Variants in ARSG observed in about 807,000 individuals in gnomAD.
ARSG encodes arylsulfatase G.
A neutral mutation model predicts 50.5 loss-of-function variants in ARSG; 37 were observed. That is an observed-to-expected ratio of 0.73 (90% CI 0.56 to 0.96). The LOEUF (loss-of-function observed/expected upper bound fraction) is 0.96, where lower values mean the gene tolerates loss of function less well. Among genes scored for constraint, ARSG ranks in the 50% least tolerant of loss-of-function variants. The pLI is 0.00. For synonymous variants in ARSG, 225 were observed against 254.6 expected, an observed-to-expected ratio of 0.88 and a Z score of 1.11; for missense variants, 629 against 675.3, an observed-to-expected ratio of 0.93 and a Z score of 0.76.
chr17:68,281,735 G>T (rs1210158945), intron 1 of ARSG, among the ~76,000 whole-genome samples: 2 of 152,138 alleles, frequency 1.3e-5, no homozygotes, highest in Non-Finnish European at 2.9e-5. Flanking sequence ...CCTCATTTGG[G>T]ATGGCTATGA....
chr17:68,386,759 C>G (rs1412586563), intron 9 of ARSG, among the ~76,000 whole-genome samples: 1 of 152,170 alleles, frequency 6.6e-6, no homozygotes, highest in East Asian at 1.9e-4. Flanking sequence ...TCAGCCGTCT[C>G]TCAAGTTGCT....
the ARSG span, chr17:68,441,209 CCT>C: frequency 2.0e-5 from 3 of 152,324 alleles, no homozygotes; most frequent in African/African-American, 4.8e-5. Context: ...ACTTCGAGCC[CCT>C]GTCTGGCCAA....
chr17:68,448,282 CA>C, the ARSG span: 1 of 152,206 alleles, frequency 6.6e-6, no homozygotes, highest in Non-Finnish European at 1.5e-5. Context: ...TTAAGAAAAG[CA>C]AACCCCCAAT....
In ARSG at chr17:68,388,941, A is replaced by AG. The variant is rs1568562275; in HGVS notation, c.1091+3769_1091+3770insG. ...CTGTCTCAAAAAAAAAAAAAAAAAA[A>AG]AAAAGAAAAACAGCTAAAGCTGCTG... is the stretch of plus-strand genomic sequence containing the variant. On this transcript the variant is annotated intron_variant, in intron 9 of 11. Coordinates refer to ENST00000621439, the MANE Select transcript of ARSG (RefSeq NM_001267727.2). Among the ~76,000 whole-genome samples, 12 of 144,420 alleles carry AG rather than the reference A, an allele frequency of 8.3e-5. 1 individual carries two copies. The highest frequency in any genetic ancestry group is 1.4e-4 in the Admixed American group (2 of 14,512). The allele number at this position is 144,420 out of a possible 152,430, so 94.7% of individuals were successfully genotyped here. A position where few individuals can be genotyped will look rare whatever the true frequency, so the allele number is the denominator to read the frequency against.
chr17:68,289,830 G>A (rs1173060569), upstream of ARSG, among the ~76,000 whole-genome samples: 2 of 152,118 alleles, frequency 1.3e-5, no homozygotes, highest in Non-Finnish European at 2.9e-5. Flanking sequence ...CAGGGTTAGT[G>A]GTACTCATTA....
At chr17:68,385,223 C>G in intron 9 of ARSG, 51 bp downstream of exon 9, 1 of 1,529,746 alleles carries the variant, frequency 6.5e-7, no homozygotes, top group Non-Finnish European at 9.0e-7. Flanking sequence ...CAAGAAAAGT[C>G]ATGGAGGCAT....
Position 68,356,707 on chromosome 17 carries a change from C to G in ARSG, c.607C>G (p.Leu203Val). 6.2e-7 allele frequency: 1 copy of G among 1,614,228 alleles called. No individual in the cohort carries two copies. The highest frequency in any genetic ancestry group is 8.5e-7 in the Non-Finnish European group (1 of 1,180,030). The part of the protein sequence containing the change: ...RDCYTDVALP[L>V]YENLNIVEQP... ...CTGTTACACTGACGTGGCCCTCCCT[C>G]TTTATGAAAACCTCAACATTGTGGA... Residue 203 changes from leucine (L) to valine (V), a missense_variant, in exon 6 of 12, where the codon CTT becomes GTT. Transcript: ENST00000621439.
chr17:68,436,500 C>A, the ARSG span: 3 of 1,609,288 alleles, frequency 1.9e-6, no homozygotes, highest in Non-Finnish European at 2.6e-6. Context: ...AGAAACAGAA[C>A]ATGAGAAGCC....
chr17:68,371,196 T>C (rs1187488715), intron 8 of ARSG, among the ~76,000 whole-genome samples: 2 of 151,640 alleles, frequency 1.3e-5, no homozygotes, highest in Non-Finnish European at 2.9e-5. Context: ...GGCGGGCGCC[T>C]GTAGTCCCAG....
At chr17:68,445,534 C>T in the ARSG span, among the ~76,000 whole-genome samples, 238 of 152,276 alleles carry the variant, frequency 1.6e-3, no homozygotes, top group African/African-American at 5.5e-3. Flanking sequence ...CAGTGCCCCA[C>T]GTCCCCACTG....
chr17:68,358,336 C>A (rs547146404), intron 6 of ARSG, among the ~76,000 whole-genome samples: 18 of 152,002 alleles, frequency 1.2e-4, no homozygotes, highest in Non-Finnish European at 2.6e-4. Context: ...CAGGATCGCT[C>A]GAGGCCAGGA....
chr17:68,306,476 G>A (rs1255542257), intron 1 of ARSG, among the ~76,000 whole-genome samples: 2 of 152,192 alleles, frequency 1.3e-5, no homozygotes, highest in African/African-American at 2.4e-5. Flanking sequence ...AGGATGACTT[G>A]AGCCAGGAGT....
chr17:68,320,911 T>G (rs551834473), intron 2 of ARSG, among the ~76,000 whole-genome samples: 1 of 152,190 alleles, frequency 6.6e-6, no homozygotes, highest in Admixed American at 6.5e-5. Flanking sequence ...TGTGCTTCCT[T>G]GAATGTGAAT....
chr17:68,450,771 T>C, the ARSG span: 1 of 1,613,520 alleles, frequency 6.2e-7, no homozygotes, highest in Non-Finnish European at 8.5e-7. Context: ...GGAGTAGCTG[T>C]AATTACAGAT....
At chr17:68,278,878 C>T (rs2075609550) in intron 1 of ARSG, among the ~76,000 whole-genome samples, 1 of 152,108 alleles carries the variant, frequency 6.6e-6, no homozygotes, top group African/African-American at 2.4e-5. Flanking sequence ...CCTTGACCTC[C>T]CAAAATGCTG....
At chr17:68,392,846 T>G (rs2081059838) in intron 9 of ARSG, among the ~76,000 whole-genome samples, 1 of 152,236 alleles carries the variant, frequency 6.6e-6, no homozygotes, top group Non-Finnish European at 1.5e-5. Context: ...ATAAAGCCGG[T>G]GGAATGTTCC....
At chr17:68,437,005 A>AATATATAT in the ARSG span, among the ~76,000 whole-genome samples, 119 of 107,246 alleles carry the variant, frequency 1.1e-3, no homozygotes, top group African/African-American at 3.3e-3. Flanking sequence ...AAAAAAAAAA[A>AATATATAT]ATATATATAT....
At chr17:68,345,277 GC>G (rs1306604099) in intron 3 of ARSG, among the ~76,000 whole-genome samples, 3 of 152,306 alleles carry the variant, frequency 2.0e-5, no homozygotes, top group Non-Finnish European at 2.9e-5. Flanking sequence ...ATCGAGACCA[GC>G]CTGGGCACCA....
At chr17:68,346,491 T>A (rs892047914) in intron 3 of ARSG, among the ~76,000 whole-genome samples, 7 of 152,120 alleles carry the variant, frequency 4.6e-5, no homozygotes, top group Admixed American at 4.6e-4. Context: ...GTCCCTGGGG[T>A]CTACTCCTCA....
Sources: gnomAD v4.1 joint callset for allele counts (sites outside exome capture counted in the v4.1 genomes callset) on GRCh38, gnomAD v4.1.1 for gene constraint, MANE v1.5 for transcripts, NCBI Gene and HGNC (gene_info 2026-07-23, HGNC 2026-07-21) for gene names.